Variants in CSNK1G2 observed in about 807,000 individuals in gnomAD.
The protein encoded by CSNK1G2 is casein kinase 1 gamma 2.
In CSNK1G2, 11 loss-of-function variants were observed where a neutral mutation model predicts 48.0. The ratio of observed to expected loss-of-function variants is 0.23; its 90% confidence interval spans 0.14 to 0.38. The LOEUF is 0.38. Among genes scored for constraint, CSNK1G2 ranks in the 10% least tolerant of loss-of-function variants. The pLI is 1.00. For missense variants in CSNK1G2, 446 were observed against 595.5 expected (o/e 0.75, Z 2.61); for synonymous variants, 337 against 254.1 (o/e 1.33, Z -3.10).
At chr19:1,959,129 C>T (rs2015106153) in intron 1 of CSNK1G2, 1 of 152,260 alleles carries the variant, frequency 6.6e-6, no homozygotes, top group Non-Finnish European at 1.5e-5. Context: ...TTTAGCTCAT[C>T]ATGAGGCTGT....
chr19:1,950,200 C>T (rs1310936112), intron 1 of CSNK1G2, among the ~76,000 whole-genome samples: 2 of 152,038 alleles, frequency 1.3e-5, no homozygotes, highest in Non-Finnish European at 2.9e-5. Context: ...AGTGTGGTGG[C>T]GTGAGCTCTG....
chr19:1,965,394 A>AT (rs2015335976), intron 1 of CSNK1G2, among the ~76,000 whole-genome samples: 2 of 151,906 alleles, frequency 1.3e-5, no homozygotes, highest in South Asian at 4.1e-4. Context: ...AAAAAAAAAA[A>AT]AAAGATCATT....
At chr19:1,979,474 C>T in intron 8 of CSNK1G2, 21 bp from the exon 9 acceptor site, 3 of 1,559,034 alleles carry the variant, frequency 1.9e-6, no homozygotes, top group Non-Finnish European at 2.6e-6. Flanking sequence ...CGCCGAGGCC[C>T]CGCTGGCGCT....
chr19:1,971,136 C>T (rs2015554618), intron 2 of CSNK1G2, among the ~76,000 whole-genome samples: 1 of 152,224 alleles, frequency 6.6e-6, no homozygotes, highest in African/African-American at 2.4e-5. Context: ...AAGGGTTCAG[C>T]AGGCAGTTAT....
intron 1 of CSNK1G2, among the ~76,000 whole-genome samples, chr19:1,944,951 G>A (rs1004641723): frequency 6.6e-6 from 1 of 152,154 alleles, no homozygotes; most frequent in African/African-American, 2.4e-5. Context: ...TTTCTGCCCC[G>A]CTCACCACCC....
At chr19:1,960,202 A>G (rs1368595838) in intron 1 of CSNK1G2, among the ~76,000 whole-genome samples, 14 of 152,306 alleles carry the variant, frequency 9.2e-5, no homozygotes, top group Admixed American at 9.2e-4. Context: ...AGATAGGTAC[A>G]TCCGGGACCT....
chr19:1,979,453 A>AC (rs771350553), intron 8 of CSNK1G2, 42 bp from the exon 9 acceptor site: 28 of 361,794 alleles, frequency 7.7e-5, no homozygotes, highest in Non-Finnish European at 1.1e-4. Context: ...CCCACCCCCC[A>AC]CCCCCACCCC....
chr19:1,978,850 C>A lies in CSNK1G2; in HGVS notation c.448-9C>A. On this transcript the variant is annotated splice_polypyrimidine_tract_variant and intron_variant, in intron 5 of 11. Transcript: ENST00000255641. This position sits in a 1 kb window ranked among gnomAD's most constrained non-coding sequence, Gnocchi z 7.3. ...GGGGCCCGGCCGACACCGCCGTGCCCCCCTGCAGATCACGCGCATGGAGTA... is the reference window on the plus strand; with the variant it reads ...GGGGCCCGGCCGACACCGCCGTGCCACCCTGCAGATCACGCGCATGGAGTA... 6.3e-7 allele frequency: 1 copy of A among 1,599,472 alleles called. No homozygotes were observed.
chr19:1,960,494 G>A (rs1215266350), intron 1 of CSNK1G2, among the ~76,000 whole-genome samples: 3 of 152,206 alleles, frequency 2.0e-5, no homozygotes, highest in Admixed American at 6.5e-5. Context: ...TCTCACACCC[G>A]GCTCTGACAC....
intron 1 of CSNK1G2, among the ~76,000 whole-genome samples, chr19:1,947,435 T>A (rs1277879577): frequency 6.6e-6 from 1 of 152,270 alleles, no homozygotes. Flanking sequence ...GGGCTCATCC[T>A]GTCCGCGGCA....
At chr19:1,974,265 G>C (rs574072909) in intron 2 of CSNK1G2, among the ~76,000 whole-genome samples, 2 of 152,148 alleles carry the variant, frequency 1.3e-5, no homozygotes, top group Non-Finnish European at 2.9e-5. Flanking sequence ...TGAGGGTGGC[G>C]TCTGGCAAAG....
At chr19:1,953,963 G>A (rs748697959) in intron 1 of CSNK1G2, 7 of 533,726 alleles carry the variant, frequency 1.3e-5, no homozygotes, top group Admixed American at 3.9e-5. Flanking sequence ...TGCCATGGAC[G>A]GGGCCTTCTC....
intron 1 of CSNK1G2, among the ~76,000 whole-genome samples, chr19:1,955,225 G>A (rs1213249689): frequency 1.3e-5 from 2 of 152,132 alleles, no homozygotes; most frequent in Non-Finnish European, 2.9e-5. Context: ...GGGGGCAGGG[G>A]GAGCTGGGCA....
chr19:1,957,902 T>C lies in CSNK1G2; in HGVS notation c.-265-11606T>C, dbSNP rs1197010797. ...ACTGTGTGTGTGGCACGGCCACTGC[T>C]TAGGGCCCCCTGGAGCTGCGGGGCA... On this transcript the variant is annotated intron_variant, in intron 1 of 11. Transcript: ENST00000255641. This position sits in a 1 kb window ranked among gnomAD's most constrained non-coding sequence, Gnocchi z 5.4. 6.6e-6 allele frequency among the ~76,000 whole-genome samples: 1 copy of C among 152,110 alleles called. No homozygotes were observed. Among genetic ancestry groups the C allele is most frequent in the Non-Finnish European group, 1.5e-5 (1 of 68,000 alleles).
In CSNK1G2 at chr19:1,980,253, C is replaced by T. The variant is rs755626995; in HGVS notation, c.*50C>T. ...ATCTTCTCCGTGCAGCCCCTTGGGG[C>T]GCGACCTTGTGCGAGGCCCTCGGGG... is the stretch of plus-strand genomic sequence containing the variant. On this transcript the variant is annotated 3_prime_UTR_variant, in exon 12 of 12. Coordinates refer to ENST00000255641, the MANE Select transcript of CSNK1G2 (RefSeq NM_001319.7). 1.6e-5 allele frequency: 25 copies of T among 1,606,412 alleles called. No homozygotes were observed. Among genetic ancestry groups the T allele is most frequent in the Admixed American group, 6.7e-5 (4 of 59,638 alleles).
chr19:1,948,046 A>T (rs1168311145), intron 1 of CSNK1G2, among the ~76,000 whole-genome samples: 2 of 152,062 alleles, frequency 1.3e-5, no homozygotes, highest in Non-Finnish European at 2.9e-5. Context: ...GGGACCCGGG[A>T]TGAGCTGGTT....
At chr19:1,953,442 T>C (rs1480481109) in intron 1 of CSNK1G2, 1 of 534,582 alleles carries the variant, frequency 1.9e-6, no homozygotes, top group East Asian at 5.4e-5. Context: ...ATGTGTCCAC[T>C]TTGCTTTTGT....
rs772674429 is a variant in CSNK1G2 at position 1,978,447 on chromosome 19, G to C, written c.234G>C (p.Pro78=). 13 of 1,609,516 alleles carry C rather than the reference G, an allele frequency of 8.1e-6. No individual in the cohort carries two copies. The Admixed American group carries it at 1.3e-4, about 17-fold the overall frequency. ...TNEYVAIKLE[P]IKSRAPQLHL... ...ACTCGCTCTTGTGCCCCCAGGAGCC[G>C]ATCAAGTCCCGGGCCCCGCAGCTGC... is the stretch of plus-strand genomic sequence containing the variant. Residue 78 remains proline, a synonymous_variant, in exon 4 of 12, where the codon CCG becomes CCC. Transcript: ENST00000255641. The surrounding 1 kb of genome is among the most constrained non-coding windows in gnomAD (Gnocchi z 7.3).
intron 1 of CSNK1G2, among the ~76,000 whole-genome samples, chr19:1,941,974 CCTGT>C (rs1419456645): frequency 6.6e-6 from 1 of 152,048 alleles, no homozygotes; most frequent in Non-Finnish European, 1.5e-5. Context: ...ATCGCCTCCT[CCTGT>C]CTTGGCCTGG....
Sources: allele counts gnomAD v4.1 joint callset (sites outside exome capture counted in the v4.1 genomes callset), GRCh38; gene constraint gnomAD v4.1.1; non-coding constraint Gnocchi (gnomAD v3.1); transcripts MANE v1.5; gene names NCBI Gene and HGNC (gene_info 2026-07-23, HGNC 2026-07-21).